The following TAB2 variants were observed in gnomAD, a reference collection of about 807,000 sequenced individuals.
The protein encoded by TAB2 is TGF-beta-activated kinase 1 and MAP3K7-binding protein 2.
TAB2 carries 3 observed loss-of-function variants against 65.0 expected under a neutral mutation model. The ratio of observed to expected loss-of-function variants is 0.05; its 90% CI spans 0.02 to 0.12. TAB2 has a LOEUF of 0.12. Among genes scored for constraint, TAB2 ranks in the 10% least tolerant of loss-of-function variants. The pLI is 1.00. For synonymous variants in TAB2, 298 were observed against 285.1 expected, an observed-to-expected ratio of 1.05 and a Z score of -0.46; for missense variants, 623 against 840.3, an observed-to-expected ratio of 0.74 and a Z score of 3.20.
At chr6:149,402,928 CATTT>C (rs1313334644) in intron 6 of TAB2, among the ~76,000 whole-genome samples, 5 of 152,016 alleles carry the variant, frequency 3.3e-5, no homozygotes, top group Non-Finnish European at 1.5e-5. Flanking sequence ...AAAAGTTCAG[CATTT>C]ATTCATAATT....
At position 149,254,011 on chromosome 6, in the gene TAB2, AAAGAAAG is replaced by A. The variant is rs1360428251; in HGVS notation, c.-121+35238_-121+35244del. Reference sequence around the variant, plus strand: ...GAAAGAAAGAAAGAAAGAAAGAAAGAAAGAAAGAAAGAAAAGAAAGAAAGAGAGAAAG... The same window carrying A: ...GAAAGAAAGAAAGAAAGAAAGAAAGAAAAGAAAAGAAAGAAAGAGAGAAAG... On this transcript the variant is annotated intron_variant, in intron 1 of 1. Coordinates refer to the TAB2 transcript ENST00000606202. Among the ~76,000 whole-genome samples, 9 of 145,262 alleles carry A rather than the reference AAAGAAAG, an allele frequency of 6.2e-5. No homozygotes were observed. The South Asian group carries it at 6.7e-4, about 11-fold the overall frequency.
chr6:149,297,142 A>G (rs566904992), intron 1 of TAB2, among the ~76,000 whole-genome samples: 4 of 148,756 alleles, frequency 2.7e-5, no homozygotes, highest in South Asian at 4.2e-4. Flanking sequence ...TTCCTCCTCC[A>G]TTTGATGGTT....
intron 1 of TAB2, among the ~76,000 whole-genome samples, chr6:149,285,338 T>A (rs1311225930): frequency 2.0e-5 from 3 of 152,174 alleles, no homozygotes; most frequent in Non-Finnish European, 4.4e-5. Flanking sequence ...AACCCTCAAA[T>A]ACTTGACAAT....
At position 149,301,106 on chromosome 6, in the gene TAB2, A is replaced by T. The variant is rs143831028; in HGVS notation, c.-120-76912A>T. ...CTAACAGGCAGAGGTCCACATTGGGATGGCTGGAGCCACATCTCTGTAAGA... is the reference window on the plus strand; with the variant it reads ...CTAACAGGCAGAGGTCCACATTGGGTTGGCTGGAGCCACATCTCTGTAAGA... On this transcript the variant is annotated intron_variant, in intron 1 of 1. Coordinates refer to the TAB2 transcript ENST00000606202. Among the ~76,000 whole-genome samples the T allele has an allele frequency of 6.8e-3, 1,043 of 152,330 alleles. 5 individuals are homozygous for T. The highest frequency in any genetic ancestry group is 9.2e-3 in the Non-Finnish European group (624 of 68,026).
At chr6:149,345,737 AC>A (rs2114790195) in intron 1 of TAB2, among the ~76,000 whole-genome samples, 1 of 152,292 alleles carries the variant, frequency 6.6e-6, no homozygotes, top group Non-Finnish European at 1.5e-5. Flanking sequence ...ATAGGAAAGG[AC>A]AAAACATTTT....
intron 1 of TAB2, among the ~76,000 whole-genome samples, chr6:149,275,289 A>AAAGG (rs1778447583): frequency 6.7e-6 from 1 of 148,978 alleles, no homozygotes; most frequent in African/African-American, 2.5e-5. Flanking sequence ...AGAAAGAAAG[A>AAAGG]AAGAAAGAAA....
chr6:149,369,887 A>AT, intron 1 of TAB2, 22 bp from the exon 2 acceptor site: 11 of 900,812 alleles, frequency 1.2e-5, no homozygotes, highest in East Asian at 2.5e-5. Context: ...TCTCATTAAA[A>AT]TTTTTTTTCT....
At chr6:149,274,055 T>C (rs12206694) in intron 1 of TAB2, among the ~76,000 whole-genome samples, 1 of 152,216 alleles carries the variant, frequency 6.6e-6, no homozygotes, top group Non-Finnish European at 1.5e-5. Context: ...GTCTTCAAAG[T>C]ATAATATTTC....
At chr6:149,259,372 C>T (rs1316677230) in intron 1 of TAB2, among the ~76,000 whole-genome samples, 1 of 148,522 alleles carries the variant, frequency 6.7e-6, no homozygotes, top group African/African-American at 2.5e-5. Flanking sequence ...CACACACACA[C>T]ATACACACAA....
intron 3 of TAB2, among the ~76,000 whole-genome samples, chr6:149,384,528 AG>A (rs1781723240): frequency 6.6e-6 from 1 of 152,216 alleles, no homozygotes; most frequent in Admixed American, 6.5e-5. Context: ...GAACAAATTA[AG>A]GTTGGAGAGA....
At chr6:149,381,134 A>ACTT (rs1781593615) in intron 3 of TAB2, among the ~76,000 whole-genome samples, 7 of 152,224 alleles carry the variant, frequency 4.6e-5, no homozygotes. Context: ...AAACTTAAGT[A>ACTT]AAGTGAATCC....
chr6:149,357,430 A>AAAAAACACAC, intron 1 of TAB2, among the ~76,000 whole-genome samples: 10 of 111,144 alleles, frequency 9.0e-5, no homozygotes, highest in African/African-American at 2.1e-4. Flanking sequence ...AGAAAAAAAA[A>AAAAAACACAC]ACACACACAC....
intron 1 of TAB2, among the ~76,000 whole-genome samples, chr6:149,225,961 C>T (rs1259631091): frequency 1.3e-5 from 2 of 151,814 alleles, no homozygotes; most frequent in Non-Finnish European, 2.9e-5. Flanking sequence ...ACATGAGGCC[C>T]AGGAGGGTCG....
chr6:149,404,582 A>G (rs1782598977), intron 6 of TAB2, among the ~76,000 whole-genome samples: 1 of 152,226 alleles, frequency 6.6e-6, no homozygotes, highest in Non-Finnish European at 1.5e-5. Flanking sequence ...ATAAAAACAG[A>G]CATATTGACC....
At chr6:149,277,731 C>T (rs1313495290) in intron 1 of TAB2, among the ~76,000 whole-genome samples, 1 of 152,148 alleles carries the variant, frequency 6.6e-6, no homozygotes, top group Admixed American at 6.5e-5. Context: ...AACTGTGCTG[C>T]AGAATTCTTA....
At chr6:149,312,089 A>G (rs934561088) in intron 1 of TAB2, among the ~76,000 whole-genome samples, 1 of 152,240 alleles carries the variant, frequency 6.6e-6, no homozygotes, top group Non-Finnish European at 1.5e-5. Flanking sequence ...CGCAAAGGGT[A>G]ACTGAGTAGG....
At position 149,262,868 on chromosome 6, in the gene TAB2, A is replaced by G. The variant is rs550653029; in HGVS notation, c.-121+44092A>G. On this transcript the variant is annotated intron_variant, in intron 1 of 1. Transcript: ENST00000606202. ...ACCCAGACTGGAGTGCTGTGGCACG[A>G]TTGTAGCTTACTGTGACCTCAAACT... Among the ~76,000 whole-genome samples, 63 of 151,890 alleles carry G rather than the reference A, an allele frequency of 4.1e-4. 3 individuals are homozygous for G. The highest frequency in any genetic ancestry group is 3.1e-3 in the Admixed American group (48 of 15,248).
intron 1 of TAB2, among the ~76,000 whole-genome samples, chr6:149,267,443 A>G (rs1778283747): frequency 6.6e-6 from 1 of 152,210 alleles, no homozygotes; most frequent in Non-Finnish European, 1.5e-5. Flanking sequence ...AAATAGCTTG[A>G]CAATAGCTTG....
intron 1 of TAB2, among the ~76,000 whole-genome samples, chr6:149,294,712 T>C (rs1160468246): frequency 6.6e-6 from 1 of 152,226 alleles, no homozygotes; most frequent in Non-Finnish European, 1.5e-5. Context: ...AATGGATTAC[T>C]TTATGAACAA....
Sources: allele counts gnomAD v4.1 joint callset (sites outside exome capture counted in the v4.1 genomes callset), GRCh38; gene constraint gnomAD v4.1.1; transcripts MANE v1.5; gene names NCBI Gene and HGNC (gene_info 2026-07-23, HGNC 2026-07-21).